The following MMP28 variants were observed in gnomAD, a reference collection of about 807,000 sequenced individuals.
MMP28 encodes the protein matrix metallopeptidase 28.
Under a neutral mutation model 60.5 loss-of-function variants are expected in MMP28, and 55 were observed. The observed-to-expected ratio is 0.91, with a 90% CI of 0.73 to 1.14. The LOEUF is 1.14. Ranked by LOEUF, MMP28 falls within the 50% of genes most tolerant of loss-of-function variation. The pLI is 0.00. For synonymous variants in MMP28, 318 were observed against 312.5 expected, an observed-to-expected ratio of 1.02 and a Z score of -0.18; for missense variants, 686 against 738.3, an observed-to-expected ratio of 0.93 and a Z score of 0.82.
intron 3 of MMP28, among the ~76,000 whole-genome samples, chr17:35,773,793 TA>T (rs1555606829): frequency 7.9e-5 from 12 of 152,184 alleles, no homozygotes; most frequent in African/African-American, 2.9e-4. Flanking sequence ...TGTCTGTTGC[TA>T]CCAGCAAATC....
At chr17:35,778,077 A>G (rs1276213153) in intron 3 of MMP28, among the ~76,000 whole-genome samples, 1 of 152,266 alleles carries the variant, frequency 6.6e-6, no homozygotes, top group Non-Finnish European at 1.5e-5. Flanking sequence ...AACTGACAAA[A>G]GAATCAAATC....
intron 3 of MMP28, among the ~76,000 whole-genome samples, chr17:35,774,659 C>T (rs1169713564): frequency 1.3e-5 from 2 of 152,214 alleles, no homozygotes; most frequent in Non-Finnish European, 2.9e-5. Context: ...TACATCCCTT[C>T]TCCCACCCCT....
chr17:35,792,386 G>T (rs1410386449), intron 1 of MMP28, among the ~76,000 whole-genome samples: 1 of 152,144 alleles, frequency 6.6e-6, no homozygotes, highest in Non-Finnish European at 1.5e-5. Flanking sequence ...AGACCATGTG[G>T]ATAGGTCCAT....
At chr17:35,793,206 T>C (rs192397642) in intron 1 of MMP28, among the ~76,000 whole-genome samples, 3 of 152,308 alleles carry the variant, frequency 2.0e-5, no homozygotes, top group Admixed American at 6.5e-5. Context: ...TTATGTTAAA[T>C]AGACTGAAAG....
intron 4 of MMP28, among the ~76,000 whole-genome samples, chr17:35,772,320 G>A (rs1555606022): frequency 6.6e-6 from 1 of 152,184 alleles, no homozygotes; most frequent in Non-Finnish European, 1.5e-5. Flanking sequence ...ACTAGGTATG[G>A]ATAGAACCAT....
chr17:35,763,878 CAGAG>C, downstream of MMP28: 1 of 759,704 alleles, frequency 1.3e-6, no homozygotes. Context: ...GCCTGAGCTA[CAGAG>C]AGAGACCCTG....
intron 3 of MMP28, among the ~76,000 whole-genome samples, chr17:35,778,233 T>A (rs535885484): frequency 6.6e-6 from 1 of 152,134 alleles, no homozygotes; most frequent in East Asian, 1.9e-4. Flanking sequence ...TGTGCTATGA[T>A]GAAATGTTCA....
intron 5 of MMP28, among the ~76,000 whole-genome samples, chr17:35,769,034 T>C (rs2143210550): frequency 6.6e-6 from 1 of 152,260 alleles, no homozygotes; most frequent in East Asian, 1.9e-4. Flanking sequence ...CTGTGATAAC[T>C]ACAGCAATTA....
intron 3 of MMP28, among the ~76,000 whole-genome samples, chr17:35,776,696 G>A (rs566178000): frequency 2.6e-5 from 4 of 151,934 alleles, no homozygotes; most frequent in African/African-American, 9.6e-5. Flanking sequence ...GACCAGCCCG[G>A]ACAACATGGT....
intron 1 of MMP28, among the ~76,000 whole-genome samples, chr17:35,781,523 C>T (rs2086503017): frequency 6.6e-6 from 1 of 152,190 alleles, no homozygotes; most frequent in South Asian, 2.1e-4. Context: ...TACCCTAACA[C>T]ACCTGGAAGC....
In MMP28 at chr17:35,778,975, T is replaced by G. The variant is rs760494318; in HGVS notation, c.292A>C (p.Ser98Arg). 1 of 1,614,034 alleles carries G rather than the reference T, an allele frequency of 6.2e-7. No homozygotes were observed. Among genetic ancestry groups the G allele is most frequent in the South Asian group, 1.1e-5 (1 of 91,082 alleles). Residue 98 changes from serine (S) to arginine (R), a missense_variant, in exon 3 of 8, where the codon AGT becomes CGT. By Grantham distance (110) the Ser-to-Arg change is moderately radical (BLOSUM62 -1). Transcript: ENST00000605424. ...ATCCTCTCAGCCCAGGCCGCATAAC[T>G]GTTGGTATCTGTAACCCCGCAGCGG... ...RPRCGVTDTN[S>R]YAAWAERISD...
rs918308708 is a variant in MMP28, at chr17:35,768,669, G to A, written c.851-290C>T. Among the ~76,000 whole-genome samples the A allele has an allele frequency of 2.0e-5, 3 of 152,280 alleles. No individual in the cohort carries two copies. In the East Asian group the frequency reaches 5.8e-4, roughly 29 times the overall value. ...TACTAAAAATACAAAAATTAACCAG[G>A]CATGGTGGTGCACACGTGTAGTCCC... On this transcript the variant is annotated intron_variant, in intron 5 of 7. Coordinates refer to ENST00000605424, the MANE Select transcript of MMP28 (RefSeq NM_024302.5).
At chr17:35,756,598 G>C (rs2085741039) in intron 2 of MMP28, among the ~76,000 whole-genome samples, 1 of 151,648 alleles carries the variant, frequency 6.6e-6, no homozygotes, top group Non-Finnish European at 1.5e-5. Flanking sequence ...AGCTTCCCGA[G>C]TAGCTGAGAT....
chr17:35,782,051 CTTTTTT>C (rs1399946214), intron 1 of MMP28, among the ~76,000 whole-genome samples: 1 of 130,870 alleles, frequency 7.6e-6, no homozygotes. Context: ...GTATTTCTCT[CTTTTTT>C]TTTTTTTTTT....
downstream of MMP28, chr17:35,764,314 TCC>T: frequency 6.8e-7 from 1 of 1,480,268 alleles, no homozygotes; most frequent in Non-Finnish European, 8.9e-7. Flanking sequence ...GCCTAACAGC[TCC>T]CACCGACAGG....
chr17:35,760,442 TAGG>T (rs1266210892), intron 2 of MMP28, among the ~76,000 whole-genome samples: 2 of 151,978 alleles, frequency 1.3e-5, no homozygotes, highest in East Asian at 1.9e-4. Context: ...GAAATGGAAA[TAGG>T]AGAAGTGGAG....
At chr17:35,759,948 G>A (rs2085787553) in intron 2 of MMP28, among the ~76,000 whole-genome samples, 1 of 152,160 alleles carries the variant, frequency 6.6e-6, no homozygotes. Context: ...TAACATGGTA[G>A]CTTGCAAATA....
At chr17:35,770,908 T>A (rs1555605381) in intron 4 of MMP28, among the ~76,000 whole-genome samples, 1 of 151,994 alleles carries the variant, frequency 6.6e-6, no homozygotes, top group African/African-American at 2.4e-5. Context: ...AAACATTAGC[T>A]AGGCGTGATG....
In MMP28 at chr17:35,790,343, G is replaced by A. The variant is rs140769631; in HGVS notation, c.111+4924C>T. ...GCCTCCCAAAGTGCTGGGATTACAG[G>A]CATGAGCCATCACACCCAGGCTTTT... On this transcript the variant is annotated intron_variant, in intron 1 of 7. Coordinates refer to ENST00000605424, the MANE Select transcript of MMP28 (RefSeq NM_024302.5). Among the ~76,000 whole-genome samples the A allele has an allele frequency of 5.1e-3, 778 of 152,160 alleles. 12 individuals are homozygous for A. Among genetic ancestry groups the A allele is most frequent in the African/African-American group, 0.018 (733 of 41,500 alleles).
Sources: gnomAD v4.1 joint callset for allele counts (sites outside exome capture counted in the v4.1 genomes callset) on GRCh38, gnomAD v4.1.1 for gene constraint, MANE v1.5 for transcripts, NCBI Gene and HGNC (gene_info 2026-07-23, HGNC 2026-07-21) for gene names.